Variants in FRMD3 observed in about 807,000 individuals in gnomAD.
FRMD3 encodes the protein FERM domain containing 3, also known as FERM domain-containing protein 3.
Under a neutral mutation model 70.2 loss-of-function variants are expected in FRMD3, and 33 were observed. That is an observed-to-expected ratio of 0.47 (90% CI 0.36 to 0.63). The LOEUF (loss-of-function observed/expected upper bound fraction) is 0.63, where lower values mean the gene tolerates loss of function less well. FRMD3 is among the 20% of genes least tolerant of loss of function. The pLI is 0.00. For synonymous variants in FRMD3, 279 were observed against 255.9 expected (o/e 1.09, Z -0.86); for missense variants, 632 against 711.4 (o/e 0.89, Z 1.27).
rs192001389 is a variant in FRMD3 at position 83,295,770 on chromosome 9, G to A, written c.1070+2978C>T. 2.4e-4 allele frequency among the ~76,000 whole-genome samples: 36 copies of A among 152,264 alleles called. 1 individual carries two copies. The Middle Eastern group carries it at 0.014, about 58-fold the overall frequency. On this transcript the variant is annotated intron_variant, in intron 12 of 13. Coordinates refer to ENST00000304195, the MANE Select transcript of FRMD3 (RefSeq NM_174938.6). ...CAGGTGGCTCACACAACCAGCCCTC[G>A]GCTCACCAAGCTACAGCCCTCTCAC...
chr9:83,350,358 T>G (rs1048284065), intron 3 of FRMD3, among the ~76,000 whole-genome samples: 3 of 151,902 alleles, frequency 2.0e-5, no homozygotes, highest in African/African-American at 7.3e-5. Flanking sequence ...TCGTGGTGTC[T>G]CACGCCTGTA....
intron 10 of FRMD3, among the ~76,000 whole-genome samples, chr9:83,303,191 C>A (rs1190246350): frequency 6.6e-6 from 1 of 152,212 alleles, no homozygotes; most frequent in Admixed American, 6.5e-5. Context: ...ACAATAACAG[C>A]ATTTACTACT....
At chr9:83,378,783 T>A (rs1410543520) in intron 2 of FRMD3, among the ~76,000 whole-genome samples, 1 of 130,232 alleles carries the variant, frequency 7.7e-6, no homozygotes, top group Admixed American at 8.7e-5. Flanking sequence ...TAATATATAT[T>A]ATATATGTAT....
intron 5 of FRMD3, among the ~76,000 whole-genome samples, chr9:83,337,229 G>A (rs1477947427): frequency 6.6e-6 from 1 of 152,118 alleles, no homozygotes; most frequent in Non-Finnish European, 1.5e-5. Flanking sequence ...TGAAGTGCTT[G>A]TTTCCAGCTT....
At chr9:83,464,913 G>T (rs573528262) in intron 1 of FRMD3, among the ~76,000 whole-genome samples, 1 of 144,284 alleles carries the variant, frequency 6.9e-6, no homozygotes, top group Non-Finnish European at 1.5e-5. Flanking sequence ...CCAGCGACTC[G>T]GGAGGCTGAG....
At chr9:83,539,158 C>T (rs1829966446), upstream of FRMD3, among the ~76,000 whole-genome samples, 1 of 152,174 alleles carries the variant, frequency 6.6e-6, no homozygotes, top group African/African-American at 2.4e-5. Context: ...TCCTCCAGTT[C>T]CCGGTTGCTC....
intron 1 of FRMD3, among the ~76,000 whole-genome samples, chr9:83,521,928 C>T (rs1315882448): frequency 6.6e-6 from 1 of 152,182 alleles, no homozygotes; most frequent in Non-Finnish European, 1.5e-5. Flanking sequence ...TTCCTTATAG[C>T]TCATCTCAGG....
intron 1 of FRMD3, among the ~76,000 whole-genome samples, chr9:83,456,955 G>T (rs1827834898): frequency 1.3e-5 from 2 of 151,640 alleles, no homozygotes; most frequent in South Asian, 2.1e-4. Flanking sequence ...ACTCCAGCCT[G>T]GGCATCACAG....
intron 1 of FRMD3, among the ~76,000 whole-genome samples, chr9:83,401,920 G>A (rs1413319531): frequency 6.6e-6 from 1 of 152,102 alleles, no homozygotes; most frequent in Non-Finnish European, 1.5e-5. Context: ...CCAACACTGG[G>A]TTTAATTAGC....
the FRMD3 span, among the ~76,000 whole-genome samples, chr9:83,558,728 G>A: frequency 6.6e-6 from 1 of 152,204 alleles, no homozygotes. Context: ...CATTCTAGAT[G>A]CCATTAAGAA....
chr9:83,357,211 T>C (rs1180674117), intron 3 of FRMD3, among the ~76,000 whole-genome samples: 1 of 87,008 alleles, frequency 1.1e-5, no homozygotes, highest in Non-Finnish European at 2.3e-5. Context: ...ATAACATACA[T>C]GGAATATATA....
chr9:83,331,142 A>T (rs1196950324), intron 6 of FRMD3, among the ~76,000 whole-genome samples: 1 of 152,204 alleles, frequency 6.6e-6, no homozygotes, highest in Non-Finnish European at 1.5e-5. Flanking sequence ...CTACACAAAA[A>T]CCTACACACA....
chr9:83,460,669 C>T (rs1331307418), intron 1 of FRMD3, among the ~76,000 whole-genome samples: 1 of 152,132 alleles, frequency 6.6e-6, no homozygotes, highest in Non-Finnish European at 1.5e-5. Flanking sequence ...TGATGTAAAA[C>T]ATGTACATGG....
intron 1 of FRMD3, among the ~76,000 whole-genome samples, chr9:83,427,227 A>G (rs141491247): frequency 1.4e-4 from 21 of 152,326 alleles, no homozygotes; most frequent in African/African-American, 4.8e-4. Context: ...GTGATTCCAC[A>G]CATCAGGAAA....
intron 3 of FRMD3, among the ~76,000 whole-genome samples, chr9:83,354,091 AT>A (rs1824259527): frequency 6.6e-6 from 1 of 152,008 alleles, no homozygotes. Flanking sequence ...TGCCTGGCTA[AT>A]TTTTTGTATT....
intron 1 of FRMD3, among the ~76,000 whole-genome samples, chr9:83,446,715 T>C (rs1827485536): frequency 6.6e-6 from 1 of 151,888 alleles, no homozygotes; most frequent in Admixed American, 6.6e-5. Flanking sequence ...AAGATGAGAT[T>C]TGCCAAGTAG....
chr9:83,390,552 G>T (rs982605969), intron 1 of FRMD3, among the ~76,000 whole-genome samples: 1 of 152,100 alleles, frequency 6.6e-6, no homozygotes, highest in East Asian at 1.9e-4. Flanking sequence ...TTTCTACTTC[G>T]GTAAAATAAG....
chr9:83,329,029 CT>C (rs1836138154), intron 6 of FRMD3, among the ~76,000 whole-genome samples: 1 of 152,266 alleles, frequency 6.6e-6, no homozygotes, highest in East Asian at 1.9e-4. Flanking sequence ...GGTAACATTG[CT>C]TTTTCCCCCT....
intron 1 of FRMD3, among the ~76,000 whole-genome samples, chr9:83,534,756 T>C (rs1314322175): frequency 6.6e-6 from 1 of 152,218 alleles, no homozygotes; most frequent in Non-Finnish European, 1.5e-5. Context: ...ACCATGTTTC[T>C]GGGGGGTGGA....
Sources: gnomAD v4.1 joint callset for allele counts (sites outside exome capture counted in the v4.1 genomes callset) on GRCh38, gnomAD v4.1.1 for gene constraint, MANE v1.5 for transcripts, NCBI Gene and HGNC (gene_info 2026-07-23, HGNC 2026-07-21) for gene names.